The following GRIK3 variants were observed in gnomAD, a reference collection of about 807,000 sequenced individuals.
GRIK3 encodes glutamate ionotropic receptor kainate type subunit 3, also known as glutamate receptor ionotropic, kainate 3.
GRIK3 carries 29 observed loss-of-function variants against 102.5 expected under a neutral mutation model. The ratio of observed to expected loss-of-function variants is 0.28; its 90% CI spans 0.21 to 0.39. GRIK3 has a LOEUF of 0.39. Among genes scored for constraint, GRIK3 ranks in the 10% least tolerant of loss-of-function variants. GRIK3 has a pLI of 1.00. For missense variants in GRIK3, 908 were observed against 1,252.4 expected, an observed-to-expected ratio of 0.73 and a Z score of 4.15; for synonymous variants, 511 against 504.9, an observed-to-expected ratio of 1.01 and a Z score of -0.16.
chr1:36,799,190 C>T lies in GRIK3; in HGVS notation c.*2661G>A, dbSNP rs193004058. The T allele has an allele frequency of 2.0e-5, 3 of 152,358 alleles. No individual in the cohort carries two copies. The East Asian group carries it at 5.8e-4, about 29-fold the overall frequency. 9.4% of individuals were successfully genotyped at this position (152,358 alleles called of 1,614,324 possible). Reference sequence around the variant, plus strand: ...ATGATGTCCACAGCAAAGGCATCAGCAGCATGAGCCCCTGAAGGGTTGTGC... The same window carrying T: ...ATGATGTCCACAGCAAAGGCATCAGTAGCATGAGCCCCTGAAGGGTTGTGC... On this transcript the variant is annotated 3_prime_UTR_variant, in exon 16 of 16. Transcript: ENST00000373091.
At chr1:36,995,205 C>T (rs1238092702) in intron 1 of GRIK3, among the ~76,000 whole-genome samples, 2 of 152,208 alleles carry the variant, frequency 1.3e-5, no homozygotes, top group Admixed American at 6.5e-5. Flanking sequence ...AATAAGCAGA[C>T]GTATACCTGC....
chr1:36,927,569 C>G (rs766210149), intron 1 of GRIK3, among the ~76,000 whole-genome samples: 2 of 152,138 alleles, frequency 1.3e-5, no homozygotes, highest in Non-Finnish European at 2.9e-5. Context: ...AGGCCACACT[C>G]CATGTCGCCT....
chr1:36,853,153 G>T (rs1640605064), intron 8 of GRIK3, among the ~76,000 whole-genome samples: 1 of 152,198 alleles, frequency 6.6e-6, no homozygotes, highest in Admixed American at 6.5e-5. Flanking sequence ...CTCTATCTTT[G>T]CTTAAATGTC....
intron 3 of GRIK3, among the ~76,000 whole-genome samples, chr1:36,877,866 C>T (rs1191295442): frequency 2.6e-5 from 4 of 152,236 alleles, no homozygotes; most frequent in Admixed American, 1.3e-4. Flanking sequence ...CTGGCTCTGA[C>T]TAAATGTATA....
intron 1 of GRIK3, among the ~76,000 whole-genome samples, chr1:36,934,242 G>T (rs1336379060): frequency 2.0e-5 from 3 of 152,130 alleles, no homozygotes; most frequent in Non-Finnish European, 2.9e-5. Flanking sequence ...GATCTCCTGG[G>T]CCTCCCTCCC....
intron 1 of GRIK3, among the ~76,000 whole-genome samples, chr1:36,943,321 G>T (rs1641747905): frequency 6.6e-6 from 1 of 152,214 alleles, no homozygotes; most frequent in African/African-American, 2.4e-5. Flanking sequence ...TGGCTGAGGG[G>T]TCAAGCAAGG....
intron 10 of GRIK3, among the ~76,000 whole-genome samples, chr1:36,828,466 ACAGTATT>A (rs1353207450): frequency 6.6e-6 from 1 of 152,156 alleles, no homozygotes; most frequent in African/African-American, 2.4e-5. Context: ...ACAAATGCCT[ACAGTATT>A]CAGTAGAGTA....
chr1:36,888,570 C>A (rs990156408), intron 2 of GRIK3, among the ~76,000 whole-genome samples: 5 of 152,164 alleles, frequency 3.3e-5, no homozygotes, highest in Admixed American at 1.3e-4. Flanking sequence ...CAGTATGGCA[C>A]CTGTTGCTTC....
At chr1:36,993,788 C>T (rs902346518) in intron 1 of GRIK3, among the ~76,000 whole-genome samples, 2 of 152,188 alleles carry the variant, frequency 1.3e-5, no homozygotes, top group African/African-American at 4.8e-5. Context: ...CCAGGGGTGG[C>T]CCATATCGAA....
At chr1:36,821,837 C>G (rs943920301) in intron 11 of GRIK3, among the ~76,000 whole-genome samples, 1 of 152,232 alleles carries the variant, frequency 6.6e-6, no homozygotes, top group African/African-American at 2.4e-5. Context: ...AGGGAGACAA[C>G]ATAAAGCTGA....
At chr1:36,957,486 C>T (rs849149) in intron 1 of GRIK3, among the ~76,000 whole-genome samples, 4,266 of 12,088 alleles carry the variant, frequency 0.35, 280 homozygotes, top group African/African-American at 0.38. Flanking sequence ...GTCTGTGCCC[C>T]GTGAGCCTGT....
In GRIK3 at chr1:36,815,062, A is replaced by G. The variant is rs1406201065; in HGVS notation, c.2091+1998T>C. On this transcript the variant is annotated intron_variant, in intron 13 of 15. Coordinates refer to ENST00000373091, the MANE Select transcript of GRIK3 (RefSeq NM_000831.4). ...TATATGCTGCTACATGCACATGTGA[A>G]GCCATGCATGTATACACATCCTCAC... 2.6e-5 allele frequency among the ~76,000 whole-genome samples: 4 copies of G among 152,352 alleles called. No homozygotes were observed. The East Asian group carries it at 5.8e-4, about 22-fold the overall frequency.
chr1:36,802,760 A>G (rs1642456011), intron 15 of GRIK3, among the ~76,000 whole-genome samples: 1 of 152,126 alleles, frequency 6.6e-6, no homozygotes, highest in Non-Finnish European at 1.5e-5. Context: ...TGATATCTCA[A>G]CTTACCTAGT....
intron 10 of GRIK3, among the ~76,000 whole-genome samples, chr1:36,836,947 C>T (rs1359473721): frequency 6.6e-6 from 1 of 152,060 alleles, no homozygotes; most frequent in Middle Eastern, 3.2e-3. Context: ...ATGCTCATTC[C>T]TCATTTCCCT....
chr1:36,848,783 A>AG (rs1640547114), intron 9 of GRIK3, among the ~76,000 whole-genome samples: 1 of 139,698 alleles, frequency 7.2e-6, no homozygotes, highest in Non-Finnish European at 1.6e-5. Context: ...TTTACATCAC[A>AG]GGTTTTTTTT....
chr1:37,002,026 C>G (rs1642483044), intron 1 of GRIK3, among the ~76,000 whole-genome samples: 1 of 152,056 alleles, frequency 6.6e-6, no homozygotes, highest in African/African-American at 2.4e-5. Flanking sequence ...GTTCCTGAAG[C>G]CAGAAAAATG....
rs901907349 is a variant in GRIK3, at chr1:36,876,116, C to T, written c.551-3747G>A. ...TTGGGCTGGTTGTGGTGGCTCATAC[C>T]TATAATCTCAGTGCTTTGAGAGGCT... On this transcript the variant is annotated intron_variant, in intron 3 of 15. Transcript: ENST00000373091. 6.6e-5 allele frequency among the ~76,000 whole-genome samples: 10 copies of T among 152,160 alleles called. No individual in the cohort carries two copies. The South Asian group carries it at 1.0e-3, about 16-fold the overall frequency.
intron 1 of GRIK3, among the ~76,000 whole-genome samples, chr1:36,914,801 C>A (rs979162643): frequency 3.3e-5 from 5 of 152,156 alleles, no homozygotes; most frequent in Non-Finnish European, 5.9e-5. Context: ...TTTAACACAG[C>A]CTTGGAGGTG....
intron 3 of GRIK3, among the ~76,000 whole-genome samples, chr1:36,876,495 C>A (rs1260577871): frequency 6.6e-6 from 1 of 152,198 alleles, no homozygotes; most frequent in African/African-American, 2.4e-5. Flanking sequence ...ACTGACCCAG[C>A]ACCCTGACTT....
Sources: gnomAD v4.1 joint callset for allele counts (sites outside exome capture counted in the v4.1 genomes callset) on GRCh38, gnomAD v4.1.1 for gene constraint, MANE v1.5 for transcripts, NCBI Gene and HGNC (gene_info 2026-07-23, HGNC 2026-07-21) for gene names.